The following ADGRE3 variants were observed in gnomAD, a reference collection of about 807,000 sequenced individuals.
The protein encoded by ADGRE3 is adhesion G protein-coupled receptor E3.
A neutral mutation model predicts 80.1 loss-of-function variants in ADGRE3; 88 were observed. The ratio of observed to expected loss-of-function variants is 1.10; its 90% CI spans 0.93 to 1.31. The LOEUF (loss-of-function observed/expected upper bound fraction) is 1.31, where lower values mean the gene tolerates loss of function less well. ADGRE3 is among the 40% of genes most tolerant of loss of function. ADGRE3 has a pLI of 0.00. For synonymous variants in ADGRE3, 281 were observed against 294.8 expected (o/e 0.95, Z 0.48); for missense variants, 715 against 776.5 (o/e 0.92, Z 0.94).
chr19:14,615,445 TA>T (rs780128363), downstream of ADGRE3, among the ~76,000 whole-genome samples: 14 of 152,010 alleles, frequency 9.2e-5, no homozygotes, highest in East Asian at 1.6e-3. Flanking sequence ...TTTTTAAAAT[TA>T]AAAAAAATTT....
intron 1 of ADGRE3, among the ~76,000 whole-genome samples, chr19:14,674,063 TCA>T (rs933882798): frequency 1.3e-5 from 2 of 151,928 alleles, no homozygotes; most frequent in Non-Finnish European, 2.9e-5. Context: ...TATTTTCTTG[TCA>T]CAGGAAAATG....
chr19:14,654,977 C>G lies in ADGRE3; in HGVS notation c.577+5G>C. On this transcript the variant is annotated splice_donor_5th_base_variant and intron_variant, in intron 6 of 15. Coordinates refer to ENST00000253673, the MANE Select transcript of ADGRE3 (RefSeq NM_032571.5). ...AGGGTGTATCAGTCCTCATTATTGT[C>G]TTACCTACACTATCGTTTTGGATTT... 6.2e-7 allele frequency: 1 copy of G among 1,612,968 alleles called. No homozygotes were observed. Among genetic ancestry groups the G allele is most frequent in the South Asian group, 1.1e-5 (1 of 90,968 alleles).
At chr19:14,645,886 C>T (rs1054803965) in intron 8 of ADGRE3, among the ~76,000 whole-genome samples, 1 of 152,018 alleles carries the variant, frequency 6.6e-6, no homozygotes, top group African/African-American at 2.4e-5. Context: ...GTGGGAGAGT[C>T]CCTTGAGCCC....
chr19:14,663,941 C>T (rs1182118144), intron 2 of ADGRE3, among the ~76,000 whole-genome samples: 2 of 152,104 alleles, frequency 1.3e-5, no homozygotes, highest in African/African-American at 4.8e-5. Context: ...CTCCCCCAGC[C>T]CCCCACTCCC....
At chr19:14,629,975 C>T in intron 14 of ADGRE3, 64 bp downstream of exon 14, 2 of 1,081,768 alleles carry the variant, frequency 1.8e-6, no homozygotes, top group Non-Finnish European at 2.7e-6. Flanking sequence ...ACTTAAATCC[C>T]CATTGAACTC....
chr19:14,626,683 G>A (rs1322619960), intron 14 of ADGRE3, among the ~76,000 whole-genome samples: 1 of 152,196 alleles, frequency 6.6e-6, no homozygotes, highest in Non-Finnish European at 1.5e-5. Context: ...TGAGGAAGCA[G>A]GACAGGGAAG....
chr19:14,606,639 C>G, the ADGRE3 span, among the ~76,000 whole-genome samples: 2 of 148,898 alleles, frequency 1.3e-5, no homozygotes, highest in Non-Finnish European at 3.0e-5. Context: ...GAGATCGCAC[C>G]ACAGCACTCC....
At chr19:14,617,226 T>C (rs1424356631), downstream of ADGRE3, among the ~76,000 whole-genome samples, 5 of 151,850 alleles carry the variant, frequency 3.3e-5, 1 homozygote, top group Admixed American at 6.6e-5. Context: ...TTCCTTCTTT[T>C]CTTTTCTCTT....
chr19:14,601,846 G>A, the ADGRE3 span, among the ~76,000 whole-genome samples: 3 of 152,092 alleles, frequency 2.0e-5, no homozygotes, highest in Admixed American at 2.0e-4. Flanking sequence ...AGGCTGGAGT[G>A]CAGTGGCGCG....
At chr19:14,620,528 A>G (rs1970538113) in intron 15 of ADGRE3, among the ~76,000 whole-genome samples, 1 of 10,364 alleles carries the variant, frequency 9.6e-5, no homozygotes, top group African/African-American at 6.0e-4. Context: ...ATATATGAAT[A>G]TATATATTTT....
chr19:14,647,438 G>GTC (rs1971445261), intron 7 of ADGRE3, 73 bp from the exon 8 acceptor site: 1 of 1,200,564 alleles, frequency 8.3e-7, no homozygotes, highest in Non-Finnish European at 1.1e-6. Context: ...TTGAGACGGA[G>GTC]TCTCGCTCTT....
intron 1 of ADGRE3, among the ~76,000 whole-genome samples, chr19:14,669,490 A>AT (rs1298374143): frequency 6.6e-5 from 10 of 151,444 alleles, no homozygotes; most frequent in Admixed American, 5.9e-4. Flanking sequence ...AATGATTATT[A>AT]TTTTTTTTCT....
the ADGRE3 span, among the ~76,000 whole-genome samples, chr19:14,612,031 C>T: frequency 1.3e-5 from 2 of 151,900 alleles, no homozygotes; most frequent in African/African-American, 4.8e-5. Flanking sequence ...TAAAAATTCA[C>T]TTTACTTCTG....
downstream of ADGRE3, among the ~76,000 whole-genome samples, chr19:14,617,337 C>CTTTCTTT (rs2075081633): frequency 1.2e-4 from 4 of 34,368 alleles, no homozygotes; most frequent in Non-Finnish European, 3.1e-4. Context: ...TCCCTCCCTC[C>CTTTCTTT]CTCCCTTTCT....
intron 15 of ADGRE3, 25 bp from the exon 16 acceptor site, chr19:14,619,496 G>A: frequency 6.4e-7 from 1 of 1,558,208 alleles, no homozygotes; most frequent in Non-Finnish European, 8.8e-7. Flanking sequence ...TAGATTAAAG[G>A]TGGATGTAAG....
chr19:14,645,885 T>A (rs1971386125), intron 8 of ADGRE3, among the ~76,000 whole-genome samples: 1 of 151,332 alleles, frequency 6.6e-6, no homozygotes, highest in Admixed American at 6.6e-5. Context: ...AGTGGGAGAG[T>A]CCCTTGAGCC....
chr19:14,643,742 G>C (rs1284595490), intron 9 of ADGRE3, among the ~76,000 whole-genome samples: 1 of 150,050 alleles, frequency 6.7e-6, no homozygotes, highest in Admixed American at 6.6e-5. Context: ...ATGGAGTCTT[G>C]CTCTATCACC....
intron 8 of ADGRE3, among the ~76,000 whole-genome samples, chr19:14,646,708 C>T (rs1971417700): frequency 7.6e-6 from 1 of 131,288 alleles, no homozygotes. Flanking sequence ...TCCTTCCTTC[C>T]TTCCTTCCTT....
chr19:14,600,641 G>A, the ADGRE3 span, among the ~76,000 whole-genome samples: 1 of 151,514 alleles, frequency 6.6e-6, no homozygotes, highest in Non-Finnish European at 1.5e-5. Flanking sequence ...GAGTGCAGTG[G>A]CTGGATCTTG....
Sources: allele counts gnomAD v4.1 joint callset (sites outside exome capture counted in the v4.1 genomes callset), GRCh38; gene constraint gnomAD v4.1.1; transcripts MANE v1.5; gene names NCBI Gene and HGNC (gene_info 2026-07-23, HGNC 2026-07-21).